Variants in NMRAL1 observed in about 807,000 individuals in gnomAD.
NMRAL1 encodes the protein NmrA like redox sensor 1.
NMRAL1 carries 32 observed loss-of-function variants against 27.5 expected under a neutral mutation model. The ratio of observed to expected loss-of-function variants is 1.16; its 90% CI spans 0.88 to 1.56. The LOEUF (loss-of-function observed/expected upper bound fraction) is 1.56, where lower values mean the gene tolerates loss of function less well. NMRAL1 is among the 40% of genes most tolerant of loss of function. The pLI, the probability that NMRAL1 is intolerant of heterozygous loss-of-function variation, is 0.00. For synonymous variants in NMRAL1, 166 were observed against 166.8 expected (o/e 1.00, Z 0.04); for missense variants, 420 against 392.0 (o/e 1.07, Z -0.60).
intron 5 of NMRAL1, among the ~76,000 whole-genome samples, chr16:4,462,649 G>A (rs2057150736): frequency 6.6e-6 from 1 of 151,992 alleles, no homozygotes; most frequent in Non-Finnish European, 1.5e-5. Context: ...GGAGGTGGGA[G>A]GATCGCTTGA....
Position 4,461,832 on chromosome 16 carries a change from A to G in NMRAL1, c.848T>C (p.Leu283Pro). 1 of 1,614,184 alleles carries G rather than the reference A, an allele frequency of 6.2e-7. No homozygotes were observed. The highest frequency in any genetic ancestry group is 8.5e-7 in the Non-Finnish European group (1 of 1,180,020). ...ELTLRLNPKA[L>P]TLDQWLEQHK... The stretch of plus-strand genomic sequence containing the variant: ...CTGTTCCAGCCACTGGTCCAGCGTC[A>G]GGGCCTTGGGGTTGAGTCTCAGGGT... Residue 283 changes from leucine to proline, a missense_variant, in exon 6 of 6, where the codon CTG (leucine) becomes CCG (proline). By Grantham distance (98) the Leu-to-Pro change is moderately conservative. Coordinates refer to ENST00000283429, the MANE Select transcript of NMRAL1 (RefSeq NM_020677.6).
intron 1 of NMRAL1, 162 bp downstream of exon 1, chr16:4,474,392 C>G (rs112422966): frequency 1.8e-4 from 89 of 483,562 alleles, no homozygotes; most frequent in African/African-American, 1.6e-3. Flanking sequence ...GTCACCCGCC[C>G]CCCGGCCCGG....
At chr16:4,463,558 G>A in intron 5 of NMRAL1, 102 bp downstream of exon 5, 1 of 887,480 alleles carries the variant, frequency 1.1e-6, no homozygotes, top group Non-Finnish European at 1.7e-6. Flanking sequence ...AATGAATTTA[G>A]ATGTACTGCC....
upstream of NMRAL1, chr16:4,474,643 G>C (rs927561779): frequency 6.5e-6 from 1 of 154,300 alleles, no homozygotes; most frequent in Admixed American, 6.5e-5. Context: ...CCCCTCCTCC[G>C]GCGCAGTTGG....
Position 4,470,287 on chromosome 16 carries a change from T to A in NMRAL1, c.41-822A>T, listed in dbSNP as rs1237535724. On this transcript the variant is annotated intron_variant, in intron 2 of 5. Coordinates refer to ENST00000283429, the MANE Select transcript of NMRAL1 (RefSeq NM_020677.6). ...GAGTTTGAGAACAGCCCGACCAACA[T>A]GGAGAAACCACTGTCTCTACTAAAA... Among the ~76,000 whole-genome samples the A allele has an allele frequency of 2.1e-5, 3 of 144,694 alleles. No homozygotes were observed. The East Asian group carries it at 6.4e-4, about 31-fold the overall frequency. 94.9% of individuals were successfully genotyped at this position (144,694 alleles called of 152,430 possible).
At chr16:4,464,766 C>T (rs1293613547) in intron 4 of NMRAL1, among the ~76,000 whole-genome samples, 1 of 151,798 alleles carries the variant, frequency 6.6e-6, no homozygotes, top group Non-Finnish European at 1.5e-5. Flanking sequence ...AGGCGCCTGC[C>T]GCCACACCCG....
In NMRAL1 at chr16:4,474,170, G is replaced by C. The variant is rs372154486; in HGVS notation, c.-34-4C>G. The C allele has an allele frequency of 1.1e-5, 18 of 1,602,576 alleles. No homozygotes were observed. Among genetic ancestry groups the C allele is most frequent in the Non-Finnish European group, 1.5e-5 (18 of 1,173,186 alleles). ...GGGACGAATCCGGTCCAGAGATCTGGGGGTAATGGGAGGCGTGGAGTTGGG... is the reference window on the plus strand; with the variant it reads ...GGGACGAATCCGGTCCAGAGATCTGCGGGTAATGGGAGGCGTGGAGTTGGG... On this transcript the variant is annotated splice_polypyrimidine_tract_variant and splice_region_variant and intron_variant, in intron 1 of 5. Coordinates refer to ENST00000283429, the MANE Select transcript of NMRAL1 (RefSeq NM_020677.6).
At chr16:4,463,595 C>A (rs1431854154) in intron 5 of NMRAL1, 65 bp downstream of exon 5, 2 of 1,483,078 alleles carry the variant, frequency 1.3e-6, no homozygotes, top group Non-Finnish European at 1.9e-6. Flanking sequence ...CCTGGACACA[C>A]CCTCCCTACG....
At position 4,461,854 on chromosome 16, in the gene NMRAL1, G is replaced by C. The variant is rs973991204; in HGVS notation, c.826C>G (p.Leu276Val). The C allele has an allele frequency of 6.2e-7, 1 of 1,614,228 alleles. No individual in the cohort carries two copies. Among genetic ancestry groups the C allele is most frequent in the East Asian group, 2.2e-5 (1 of 44,888 alleles). ...LRPDRDIELT[L>V]RLNPKALTLD... Reference sequence around the variant, plus strand: ...GTCAGGGCCTTGGGGTTGAGTCTCAGGGTCAGCTCGATGTCACGGTCGGGT... The same window carrying C: ...GTCAGGGCCTTGGGGTTGAGTCTCACGGTCAGCTCGATGTCACGGTCGGGT... Residue 276 changes from leucine to valine, a missense_variant, in exon 6 of 6, where the codon CTG (leucine) becomes GTG (valine). By Grantham distance (32) the Leu-to-Val change is conservative. Coordinates refer to ENST00000283429, the MANE Select transcript of NMRAL1 (RefSeq NM_020677.6).
intron 2 of NMRAL1, among the ~76,000 whole-genome samples, chr16:4,470,210 C>T (rs904514446): frequency 6.8e-6 from 1 of 147,506 alleles, no homozygotes; most frequent in African/African-American, 2.5e-5. Flanking sequence ...TGGCTCACAC[C>T]TGTAATCCTA....
chr16:4,474,236 C>G, intron 1 of NMRAL1, 70 bp from the exon 2 acceptor site: 1 of 1,162,368 alleles, frequency 8.6e-7, no homozygotes, highest in Non-Finnish European at 1.3e-6. Context: ...AAAGGACACC[C>G]CCATTGTCTA....
intron 1 of NMRAL1, 71 bp from the exon 2 acceptor site, chr16:4,474,237 C>CCATT: frequency 8.6e-7 from 1 of 1,159,168 alleles, no homozygotes; most frequent in Non-Finnish European, 1.3e-6. Context: ...AAGGACACCC[C>CCATT]CATTGTCTAT....
intron 3 of NMRAL1, among the ~76,000 whole-genome samples, chr16:4,468,461 C>A (rs1368490917): frequency 1.3e-5 from 2 of 151,636 alleles, no homozygotes; most frequent in Admixed American, 6.6e-5. Context: ...ACTAAAAATA[C>A]AAAAATTAGT....
Position 4,466,250 on chromosome 16 carries a change from G to A in NMRAL1, c.432C>T (p.Gly144=), listed in dbSNP as rs748319131. The A allele has an allele frequency of 7.4e-6, 12 of 1,614,138 alleles. No individual in the cohort carries two copies. The highest frequency in any genetic ancestry group is 1.7e-5 in the Admixed American group (1 of 60,014). Residue 144 remains glycine, a synonymous_variant, in exon 4 of 6, where the codon GGC becomes GGT. Transcript: ENST00000283429. ...GEVEEYFRDI[G]VPMTSVRLPC... Reference sequence around the variant, plus strand: ...GCAGCCGCACACTGGTCATGGGAACGCCAATGTCCCGGAAATATTCCTCCA... The same window carrying A: ...GCAGCCGCACACTGGTCATGGGAACACCAATGTCCCGGAAATATTCCTCCA...
chr16:4,464,595 A>C (rs533501282), intron 4 of NMRAL1, among the ~76,000 whole-genome samples: 1 of 148,562 alleles, frequency 6.7e-6, no homozygotes, highest in Non-Finnish European at 1.5e-5. Context: ...GGAGCAGGAG[A>C]TATCCCTGAC....
chr16:4,463,135 G>A (rs906053386), intron 5 of NMRAL1, among the ~76,000 whole-genome samples: 6 of 152,252 alleles, frequency 3.9e-5, no homozygotes, highest in Middle Eastern at 3.4e-3. Context: ...GATTACAGGC[G>A]TGAGCTACTG....
chr16:4,467,566 A>T (rs1230726627), intron 3 of NMRAL1, among the ~76,000 whole-genome samples: 1 of 151,664 alleles, frequency 6.6e-6, no homozygotes, highest in East Asian at 2.0e-4. Context: ...GACATTGCTG[A>T]CACCTTGATT....
intron 3 of NMRAL1, 102 bp from the exon 4 acceptor site, chr16:4,466,504 G>T: frequency 8.2e-7 from 1 of 1,213,026 alleles, no homozygotes; most frequent in Non-Finnish European, 1.2e-6. Flanking sequence ...CATCTGCGAG[G>T]TTAACATCTA....
In NMRAL1 at chr16:4,466,331, G is replaced by C; in HGVS notation, c.351C>G (p.Ile117Met). The C allele has an allele frequency of 1.2e-6, 2 of 1,613,928 alleles. No homozygotes were observed. Among genetic ancestry groups the C allele is most frequent in the Non-Finnish European group, 8.5e-7 (1 of 1,180,028 alleles). The change falls in exon 4 of 6, where the codon ATC becomes ATG. Residue 117 changes from isoleucine (I) to methionine (M), a missense_variant. Transcript: ENST00000283429. Reference sequence around the variant, plus strand: ...CCAATCTCCCTGCCGTCAGCTTCTTGATGTTCTCCAGGCCGCTGTAGACCA... The same window carrying C: ...CCAATCTCCCTGCCGTCAGCTTCTTCATGTTCTCCAGGCCGCTGTAGACCA... ...HYVVYSGLEN[I>M]KKLTAGRLAA...
Sources: gnomAD v4.1 joint callset for allele counts (sites outside exome capture counted in the v4.1 genomes callset) on GRCh38, gnomAD v4.1.1 for gene constraint, MANE v1.5 for transcripts, NCBI Gene and HGNC (gene_info 2026-07-23, HGNC 2026-07-21) for gene names.